Variants in AFF4 observed in about 807,000 individuals in gnomAD.
The protein encoded by AFF4 is AF4/FMR2 family member 4.
A neutral mutation model predicts 124.8 loss-of-function variants in AFF4; 13 were observed. That is an observed-to-expected ratio of 0.10 (90% CI 0.07 to 0.17). The LOEUF is 0.17. AFF4 is among the 10% of genes least tolerant of loss of function. The pLI is 1.00. For missense variants in AFF4, 1,092 were observed against 1,403.8 expected (o/e 0.78, Z 3.55); for synonymous variants, 477 against 496.1 (o/e 0.96, Z 0.51).
chr5:132,956,499 C>T (rs1222874236), intron 1 of AFF4, among the ~76,000 whole-genome samples: 2 of 151,548 alleles, frequency 1.3e-5, no homozygotes, highest in Non-Finnish European at 1.5e-5. Context: ...GGTGTGGTGG[C>T]GCACATCTGT....
At position 132,892,248 on chromosome 5, in the gene AFF4, C is replaced by T. The variant is rs745844557; in HGVS notation, c.2553G>A (p.Thr851=). Residue 851 remains threonine, a synonymous_variant, in exon 13 of 21, where the codon ACG becomes ACA. Transcript: ENST00000265343. ...AGGAACTGTTTTTGCTGCTGCCACTCGTCTCCTTGTTGCTGTTACTGCTTG... is the reference window on the plus strand; with the variant it reads ...AGGAACTGTTTTTGCTGCTGCCACTTGTCTCCTTGTTGCTGTTACTGCTTG... ...LKSSSNSNKE[T]SGSSKNSSST... 23 of 1,613,936 alleles carry T rather than the reference C, an allele frequency of 1.4e-5. 1 individual carries two copies. Among genetic ancestry groups the T allele is most frequent in the African/African-American group, 5.3e-5 (4 of 74,868 alleles).
Position 132,879,594 on chromosome 5 carries a change from A to T in AFF4, c.*1465T>A, listed in dbSNP as rs75378933. 6.5e-3 allele frequency: 1,351 copies of T among 207,744 alleles called. 49 individuals carry two copies. In the Admixed American group the frequency reaches 0.067, roughly 10 times the overall value. 12.9% of individuals were successfully genotyped at this position (207,744 alleles called of 1,614,324 possible). Reference sequence around the variant, plus strand: ...CGATCTGGTCCTAGTGTAAAACTTCATTTGTAAACAATCCATAGAGTCTTC... The same window carrying T: ...CGATCTGGTCCTAGTGTAAAACTTCTTTTGTAAACAATCCATAGAGTCTTC... On this transcript the variant is annotated 3_prime_UTR_variant, in exon 21 of 21. Transcript: ENST00000265343.
intron 7 of AFF4, chr5:132,901,073 G>C (rs1760539068): frequency 1.0e-6 from 1 of 985,208 alleles, no homozygotes; most frequent in Admixed American, 6.2e-5. Flanking sequence ...ACAGAACAGG[G>C]AAAAAAGAGT....
In AFF4 at chr5:132,885,076, C is replaced by A; in HGVS notation, c.3143G>T (p.Ser1048Ile). 6.3e-7 allele frequency: 1 copy of A among 1,592,770 alleles called. No homozygotes were observed. Among genetic ancestry groups the A allele is most frequent in the Non-Finnish European group, 8.5e-7 (1 of 1,170,474 alleles). ...NSQAPSPGLG[S>I]KAVGMPSPVS... ...TTTTACATAATAAAATTTTACCTACCTTCCCAAGCCAGGCGATGGTGCTTG... is the reference window on the plus strand; with the variant it reads ...TTTTACATAATAAAATTTTACCTACATTCCCAAGCCAGGCGATGGTGCTTG... Residue 1048 changes from serine to isoleucine, a missense_variant and splice_region_variant, in exon 19 of 21, where the codon AGC becomes ATC. Physicochemically the swap from Ser to Ile is moderately radical, Grantham distance 142. Coordinates refer to ENST00000265343, the MANE Select transcript of AFF4 (RefSeq NM_014423.4).
At chr5:132,904,999 G>A (rs550010005) in intron 5 of AFF4, among the ~76,000 whole-genome samples, 191 of 144,480 alleles carry the variant, frequency 1.3e-3, no homozygotes, top group Non-Finnish European at 2.4e-3. Flanking sequence ...GCAGTGAGCC[G>A]AGATCGCGCC....
intron 15 of AFF4, 45 bp downstream of exon 15, chr5:132,888,052 G>T: frequency 1.9e-6 from 3 of 1,606,108 alleles, no homozygotes; most frequent in Non-Finnish European, 2.6e-6. Flanking sequence ...GATTACTTAA[G>T]TTAATTTGAT....
intron 5 of AFF4, among the ~76,000 whole-genome samples, chr5:132,912,186 A>C (rs972219366): frequency 1.8e-4 from 27 of 151,456 alleles, no homozygotes; most frequent in Non-Finnish European, 2.5e-4. Context: ...AAAAAAAAAA[A>C]AAAAAACATT....
In AFF4 at chr5:132,897,031, G is replaced by A. The variant is rs1259193245; in HGVS notation, c.1599C>T (p.Ser533=). The stretch of plus-strand genomic sequence containing the variant: ...TTTCTGATCCCTTTTGGATGGTTTT[G>A]GAGTCTCGTCCCGGAGTAGCGGAAC... ...ETSSATPGRD[S]KTIQKGSESG... The change falls in exon 11 of 21, where the codon TCC becomes TCT. Residue 533 remains serine (S), a synonymous_variant. Coordinates refer to ENST00000265343, the MANE Select transcript of AFF4 (RefSeq NM_014423.4). The A allele has an allele frequency of 1.9e-6, 3 of 1,614,030 alleles. No individual in the cohort carries two copies. The highest frequency in any genetic ancestry group is 2.5e-6 in the Non-Finnish European group (3 of 1,180,042).
At chr5:132,921,464 TTTTTTTTTC>T (rs1274685834) in intron 5 of AFF4, among the ~76,000 whole-genome samples, 1 of 121,896 alleles carries the variant, frequency 8.2e-6, no homozygotes, top group Admixed American at 8.7e-5. Context: ...GTTGTTTTCT[TTTTTTTTTC>T]TTTTTTTTTT....
At chr5:132,939,797 G>C (rs974823730) in intron 1 of AFF4, among the ~76,000 whole-genome samples, 2 of 152,134 alleles carry the variant, frequency 1.3e-5, no homozygotes, top group Non-Finnish European at 1.5e-5. Flanking sequence ...TTTTAGTAGC[G>C]ATGGGGTTTC....
At chr5:132,949,450 A>T (rs369014361) in intron 1 of AFF4, among the ~76,000 whole-genome samples, 9 of 152,018 alleles carry the variant, frequency 5.9e-5, no homozygotes, top group African/African-American at 1.9e-4. Context: ...GCCAAGGTGG[A>T]AGGACCGCTT....
chr5:132,883,279 A>C, intron 20 of AFF4, 61 bp downstream of exon 20: 1 of 1,500,024 alleles, frequency 6.7e-7, no homozygotes, highest in Non-Finnish European at 9.2e-7. Flanking sequence ...TTACTTAACT[A>C]AATTATAAAA....
At chr5:132,904,123 G>A in intron 6 of AFF4, 1 of 393,214 alleles carries the variant, frequency 2.5e-6, no homozygotes, top group Non-Finnish European at 4.7e-6. Context: ...CAGGCATAGT[G>A]GCATGTGCCC....
chr5:132,885,149 C>A, intron 18 of AFF4, 30 bp from the exon 19 acceptor site: 1 of 1,512,138 alleles, frequency 6.6e-7, no homozygotes, highest in South Asian at 1.2e-5. Flanking sequence ...TACTTAACAA[C>A]AACAAAAACC....
At chr5:132,886,500 T>C (rs1304899837) in intron 17 of AFF4, 97 bp from the exon 18 acceptor site, 3 of 1,080,790 alleles carry the variant, frequency 2.8e-6, no homozygotes, top group African/African-American at 3.1e-5. Context: ...CTGGCTCATG[T>C]GACCATGGCA....
At chr5:132,888,783 T>C (rs1760182022) in intron 14 of AFF4, among the ~76,000 whole-genome samples, 1 of 152,060 alleles carries the variant, frequency 6.6e-6, no homozygotes. Context: ...CTGCAACCTC[T>C]GCCTCCCAGG....
chr5:132,918,372 A>C (rs536236992), intron 5 of AFF4, among the ~76,000 whole-genome samples: 27 of 142,894 alleles, frequency 1.9e-4, no homozygotes, highest in Non-Finnish European at 2.4e-4. Flanking sequence ...CACACACACA[A>C]AAAAATCAGC....
rs569024443 is a variant in AFF4 at position 132,893,074 on chromosome 5, C to T, written c.2352G>A (p.Thr784=). 1.7e-5 allele frequency: 27 copies of T among 1,614,084 alleles called. No homozygotes were observed. The highest frequency in any genetic ancestry group is 9.9e-5 in the South Asian group (9 of 91,086). Residue 784 remains threonine, a synonymous_variant, in exon 12 of 21, where the codon ACG becomes ACA. Transcript: ENST00000265343. ...NRASESKKPK[T]EDKNSAGHKP... is the part of the protein sequence containing the mutation. ...TATGGCCTGCTGAATTCTTGTCCTC[C>T]GTTTTGGGTTTCTTGCTCTCACTGG...
rs368052317 is a variant in AFF4 at position 132,922,351 on chromosome 5, G to C, written c.1050+4770C>G. The stretch of plus-strand genomic sequence containing the variant: ...AGAGACTGCTTGAGTCCGGGAGTTC[G>C]TGAGTGCAATGAGCCATGATCATGC... On this transcript the variant is annotated intron_variant, in intron 5 of 20. Transcript: ENST00000265343. Among the ~76,000 whole-genome samples the C allele has an allele frequency of 4.6e-5, 7 of 152,180 alleles. No homozygotes were observed. In the East Asian group the frequency reaches 1.4e-3, roughly 29 times the overall value.
Sources: allele counts gnomAD v4.1 joint callset (sites outside exome capture counted in the v4.1 genomes callset), GRCh38; gene constraint gnomAD v4.1.1; transcripts MANE v1.5; gene names NCBI Gene and HGNC (gene_info 2026-07-23, HGNC 2026-07-21).